The following KIRREL3 variants were observed in gnomAD, a reference collection of about 807,000 sequenced individuals.
The protein encoded by KIRREL3 is kirre like nephrin family adhesion molecule 3, also known as kin of IRRE-like protein 3.
In KIRREL3, 36 loss-of-function variants were observed where a neutral mutation model predicts 89.7. The ratio of observed to expected loss-of-function variants is 0.40; its 90% confidence interval spans 0.31 to 0.53. The LOEUF is 0.53. Ranked by LOEUF, KIRREL3 falls within the 20% of genes least tolerant of loss-of-function variation. The probability of loss-of-function intolerance (pLI) is 0.49; values close to 1 mark genes in which losing one functional copy is unlikely to be tolerated. For missense variants in KIRREL3, 864 were observed against 1,056.6 expected (o/e 0.82, Z 2.53); for synonymous variants, 445 against 441.4 (o/e 1.01, Z -0.10).
intron 5 of KIRREL3, among the ~76,000 whole-genome samples, chr11:126,470,457 C>T (rs1440660037): frequency 6.6e-6 from 1 of 152,210 alleles, no homozygotes; most frequent in Non-Finnish European, 1.5e-5. Context: ...GTTCTGGCAC[C>T]AGGTGCTGGG....
chr11:126,448,426 C>T (rs910334062), intron 8 of KIRREL3, among the ~76,000 whole-genome samples: 1 of 152,280 alleles, frequency 6.6e-6, no homozygotes, highest in East Asian at 1.9e-4. Flanking sequence ...TACTGTGTGA[C>T]CTCAGACCTC....
chr11:126,565,542 T>TA lies in KIRREL3; in HGVS notation c.56-2631_56-2630insT, dbSNP rs138869875. Among the ~76,000 whole-genome samples the TA allele has an allele frequency of 1.8e-3, 273 of 152,258 alleles. 2 individuals are homozygous for TA. Among genetic ancestry groups the TA allele is most frequent in the Non-Finnish European group, 3.3e-3 (227 of 68,026 alleles). The stretch of plus-strand genomic sequence containing the variant: ...GGCGCTAATAAGCACACTGCAGAAA[T>TA]TTATTAAGTGCGAGGGCTCTCTGAC... On this transcript the variant is annotated intron_variant, in intron 1 of 16. Transcript: ENST00000525144. The surrounding 1 kb of genome is among the most constrained non-coding windows in gnomAD (Gnocchi z 5.4).
chr11:126,585,220 CTTTTTTTT>C (rs3042225), intron 1 of KIRREL3, among the ~76,000 whole-genome samples: 41 of 81,922 alleles, frequency 5.0e-4, no homozygotes, highest in African/African-American at 6.9e-4. Context: ...CGCCCGGCCT[CTTTTTTTT>C]TTTTTTTTTT....
At position 126,430,444 on chromosome 11, in the gene KIRREL3, A is replaced by T. The variant is rs1468792110; in HGVS notation, c.1696+975T>A. ...TGGCCAAAAGAGAGAGACCCTATATAAAAAAAAACCGTATATATATGTGTA... is the reference window on the plus strand; with the variant it reads ...TGGCCAAAAGAGAGAGACCCTATATTAAAAAAAACCGTATATATATGTGTA... On this transcript the variant is annotated intron_variant, in intron 14 of 16. Transcript: ENST00000525144. This position sits in a 1 kb window ranked among gnomAD's most constrained non-coding sequence, Gnocchi z 6.6. Among the ~76,000 whole-genome samples the T allele has an allele frequency of 2.6e-5, 4 of 151,052 alleles. No homozygotes were observed. The highest frequency in any genetic ancestry group is 4.2e-4 in the South Asian group (2 of 4,756).
Position 126,991,822 on chromosome 11 carries a change from C to T in KIRREL3, c.55+8633G>A, listed in dbSNP as rs560753149. On this transcript the variant is annotated intron_variant, in intron 1 of 16. Coordinates refer to ENST00000525144, the MANE Select transcript of KIRREL3 (RefSeq NM_032531.4). The surrounding 1 kb of genome is among the most constrained non-coding windows in gnomAD (Gnocchi z 5.8). ...TCTTATGACACCACAGCTTAGGATA[C>T]TCTCCTGCATTTTTTAGTGTTGATG... 1.3e-3 allele frequency among the ~76,000 whole-genome samples: 193 copies of T among 152,286 alleles called. No homozygotes were observed. Among genetic ancestry groups the T allele is most frequent in the Non-Finnish European group, 2.4e-3 (160 of 68,034 alleles).
intron 1 of KIRREL3, among the ~76,000 whole-genome samples, chr11:126,874,835 G>A (rs925364835): frequency 3.3e-5 from 5 of 152,106 alleles, no homozygotes; most frequent in Admixed American, 6.5e-5. Context: ...GTGAAGCAAC[G>A]TCAGACACAG....
chr11:126,751,459 C>G (rs1022046764), intron 1 of KIRREL3, among the ~76,000 whole-genome samples: 2 of 152,202 alleles, frequency 1.3e-5, no homozygotes, highest in Non-Finnish European at 2.9e-5. Flanking sequence ...TCAAGTTTCT[C>G]TTCTGCTAGC....
intron 1 of KIRREL3, among the ~76,000 whole-genome samples, chr11:126,799,394 G>GTA (rs1321236421): frequency 4.1e-4 from 2 of 4,858 alleles, no homozygotes; most frequent in Admixed American, 2.9e-3. Context: ...GTGTATCTGT[G>GTA]TGTGCATCTA....
At chr11:126,952,526 T>C (rs1026159941) in intron 1 of KIRREL3, among the ~76,000 whole-genome samples, 18 of 152,252 alleles carry the variant, frequency 1.2e-4, no homozygotes, top group African/African-American at 4.3e-4. Flanking sequence ...TCCCATTTTT[T>C]AGGTTGTCTG....
At position 126,776,914 on chromosome 11, in the gene KIRREL3, C is replaced by T. The variant is rs1057278520; in HGVS notation, c.56-214002G>A. 3.3e-5 allele frequency among the ~76,000 whole-genome samples: 5 copies of T among 152,262 alleles called. No homozygotes were observed. Among genetic ancestry groups the T allele is most frequent in the South Asian group, 4.1e-4 (2 of 4,824 alleles). The stretch of plus-strand genomic sequence containing the variant: ...GAGACCGGTGCCCATGGGAAGCCTC[C>T]AAAAGTCTTGAAAGTTTGGATTTGC... On this transcript the variant is annotated intron_variant, in intron 1 of 16. Coordinates refer to ENST00000525144, the MANE Select transcript of KIRREL3 (RefSeq NM_032531.4). The surrounding 1 kb of genome is among the most constrained non-coding windows in gnomAD (Gnocchi z 4.7).
At position 126,526,412 on chromosome 11, in the gene KIRREL3, G is replaced by T; in HGVS notation, c.283+126C>A. 2.2e-6 allele frequency: 2 copies of T among 924,276 alleles called. No individual in the cohort carries two copies. The highest frequency in any genetic ancestry group is 1.6e-6 in the Non-Finnish European group (1 of 614,602). 57.3% of individuals were successfully genotyped at this position (924,276 alleles called of 1,614,324 possible). A position where few individuals can be genotyped will look rare whatever the true frequency, so the allele number is the denominator to read the frequency against. ...TGCCTAGCCTGACTCTGCCTGAGGA[G>T]TTGCAGTGAAAGCTAGAGATTCGAT... is the stretch of plus-strand genomic sequence containing the variant. On this transcript the variant is annotated intron_variant, in intron 3 of 16. Coordinates refer to ENST00000525144, the MANE Select transcript of KIRREL3 (RefSeq NM_032531.4). This position sits in a 1 kb window ranked among gnomAD's most constrained non-coding sequence, Gnocchi z 5.7.
rs1362435518 is a variant in KIRREL3 at position 126,498,464 on chromosome 11, C to A, written c.433+22851G>T. 1.3e-5 allele frequency among the ~76,000 whole-genome samples: 2 copies of A among 152,190 alleles called. No individual in the cohort carries two copies. The highest frequency in any genetic ancestry group is 1.3e-4 in the Admixed American group (2 of 15,280). On this transcript the variant is annotated intron_variant, in intron 4 of 16. Transcript: ENST00000525144. The surrounding 1 kb of genome is among the most constrained non-coding windows in gnomAD (Gnocchi z 4.3). ...CCTGCTGCTAATTGTCGCTAGGCAT[C>A]ACACTATCCTGTCTGTCAGGTAAGG...
rs957934464 is a variant in KIRREL3, at chr11:126,834,758, C to G, written c.55+165697G>C. On this transcript the variant is annotated intron_variant, in intron 1 of 16. Coordinates refer to ENST00000525144, the MANE Select transcript of KIRREL3 (RefSeq NM_032531.4). ...CATAGAATGGCACTGCCAAAGCACT[C>G]TCATCTGTGCAGCTGGCCCTGCGGC... Among the ~76,000 whole-genome samples the G allele has an allele frequency of 3.9e-5, 6 of 152,384 alleles. No individual in the cohort carries two copies. The East Asian group carries it at 9.6e-4, about 24-fold the overall frequency.
Position 126,537,539 on chromosome 11 carries a change from AC to A in KIRREL3, c.134-10853del, listed in dbSNP as rs1463408773. 6.6e-6 allele frequency among the ~76,000 whole-genome samples: 1 copy of A among 151,956 alleles called. No homozygotes were observed. Among genetic ancestry groups the A allele is most frequent in the Non-Finnish European group, 1.5e-5 (1 of 67,980 alleles). ...TAAGCAAAAACATGAGTGATGGGTC[AC>A]CCTCTGTCACCTGCCTGGAGTACCT... On this transcript the variant is annotated intron_variant, in intron 2 of 16. Coordinates refer to ENST00000525144, the MANE Select transcript of KIRREL3 (RefSeq NM_032531.4). The surrounding 1 kb of genome is among the most constrained non-coding windows in gnomAD (Gnocchi z 4.3).
intron 1 of KIRREL3, among the ~76,000 whole-genome samples, chr11:126,716,341 T>C (rs1400486300): frequency 3.9e-5 from 6 of 152,150 alleles, no homozygotes; most frequent in African/African-American, 1.2e-4. Flanking sequence ...TTCATTATTA[T>C]TTGATCTCAT....
At chr11:126,861,843 A>C (rs1944716041) in intron 1 of KIRREL3, among the ~76,000 whole-genome samples, 1 of 152,224 alleles carries the variant, frequency 6.6e-6, no homozygotes, top group Non-Finnish European at 1.5e-5. Flanking sequence ...GACGTCCAAA[A>C]GGCTGCCAGG....
chr11:126,901,218 A>AG (rs1230168127), intron 1 of KIRREL3, among the ~76,000 whole-genome samples: 1 of 151,404 alleles, frequency 6.6e-6, no homozygotes, highest in African/African-American at 2.4e-5. Flanking sequence ...CGTCTCAAAA[A>AG]AAAAAAAAAA....
intron 1 of KIRREL3, among the ~76,000 whole-genome samples, chr11:126,737,287 G>A (rs1209708821): frequency 6.6e-6 from 1 of 151,914 alleles, no homozygotes; most frequent in African/African-American, 2.4e-5. Context: ...GAGCAGGGAT[G>A]CACCTTCAGG....
intron 6 of KIRREL3, among the ~76,000 whole-genome samples, chr11:126,457,629 G>A (rs1956414926): frequency 6.6e-6 from 1 of 152,014 alleles, no homozygotes; most frequent in Admixed American, 6.6e-5. Context: ...GAGAAGTGCA[G>A]AAAAAGGGCG....
Sources: gnomAD v4.1 joint callset for allele counts (sites outside exome capture counted in the v4.1 genomes callset) on GRCh38, gnomAD v4.1.1 for gene constraint, Gnocchi (gnomAD v3.1) non-coding constraint, MANE v1.5 for transcripts, NCBI Gene and HGNC (gene_info 2026-07-23, HGNC 2026-07-21) for gene names.